The following CSMD1 variants were observed in gnomAD, a reference collection of about 807,000 sequenced individuals.
The protein encoded by CSMD1 is CUB and Sushi multiple domains 1.
In CSMD1, 213 loss-of-function variants were observed where a neutral mutation model predicts 417.5. That is an observed-to-expected ratio of 0.51 (90% confidence interval 0.46 to 0.57). The LOEUF (loss-of-function observed/expected upper bound fraction) is 0.57. Ranked by LOEUF, CSMD1 falls within the 20% of genes least tolerant of loss-of-function variation. The pLI, the probability that CSMD1 is intolerant of heterozygous loss-of-function variation, is 0.00. For missense variants in CSMD1, 6,923 were observed against 4,529.7 expected (o/e 1.53, Z -15.17); for synonymous variants, 2,862 against 1,736.8 (o/e 1.65, Z -16.11).
At chr8:4,652,173 C>T (rs1044067937) in intron 1 of CSMD1, among the ~76,000 whole-genome samples, 14 of 152,134 alleles carry the variant, frequency 9.2e-5, no homozygotes, top group African/African-American at 3.4e-4. Flanking sequence ...AATTATAAAG[C>T]ATTGAGGGAT....
At chr8:4,238,859 A>G (rs181555716) in intron 3 of CSMD1, among the ~76,000 whole-genome samples, 47 of 152,270 alleles carry the variant, frequency 3.1e-4, no homozygotes, top group Non-Finnish European at 5.4e-4. Context: ...TTAAAAATCG[A>G]TAGCAAATGC....
In CSMD1 at chr8:2,937,766, G is replaced by C. The variant is rs1801591944; in HGVS notation, c.*819C>G. On this transcript the variant is annotated 3_prime_UTR_variant, in exon 70 of 70. Coordinates refer to ENST00000635120, the MANE Select transcript of CSMD1 (RefSeq NM_033225.6). ...TACTGTATTTCCTTTTAAAATCTGT[G>C]CCATATCTAGGAATACTTTTCCCTA... The C allele has an allele frequency of 6.6e-6, 1 of 152,560 alleles. No homozygotes were observed. The highest frequency in any genetic ancestry group is 6.5e-5 in the Admixed American group (1 of 15,276). 9.5% of individuals were successfully genotyped at this position (152,560 alleles called of 1,614,324 possible).
chr8:4,828,799 G>C lies in CSMD1; in HGVS notation c.85+165533C>G, dbSNP rs77303075. Reference sequence around the variant, plus strand: ...TTTCTTTACCCTTAAAATCAGATGAGCCCAGAAGTACTGTTGTGAAGAACT... The same window carrying C: ...TTTCTTTACCCTTAAAATCAGATGACCCCAGAAGTACTGTTGTGAAGAACT... On this transcript the variant is annotated intron_variant, in intron 1 of 69. Coordinates refer to ENST00000635120, the MANE Select transcript of CSMD1 (RefSeq NM_033225.6). Among the ~76,000 whole-genome samples, 226 of 152,192 alleles carry C rather than the reference G, an allele frequency of 1.5e-3. 5 individuals carry two copies. The East Asian group carries it at 0.036, about 24-fold the overall frequency.
intron 61 of CSMD1, among the ~76,000 whole-genome samples, chr8:2,961,459 A>AT (rs970555144): frequency 1.3e-5 from 2 of 151,354 alleles, no homozygotes; most frequent in African/African-American, 4.9e-5. Flanking sequence ...GAATAAGTGC[A>AT]TTTTTTTTCC....
intron 3 of CSMD1, among the ~76,000 whole-genome samples, chr8:4,362,633 A>C (rs1044299461): frequency 3.3e-5 from 5 of 152,132 alleles, no homozygotes; most frequent in Non-Finnish European, 5.9e-5. Flanking sequence ...CCAGTTTGCT[A>C]CCCCCTCTAC....
At chr8:4,916,036 A>G (rs1347313976) in intron 1 of CSMD1, among the ~76,000 whole-genome samples, 1 of 152,150 alleles carries the variant, frequency 6.6e-6, no homozygotes, top group Non-Finnish European at 1.5e-5. Flanking sequence ...CATAGAATAC[A>G]CTAGATTTGC....
At chr8:3,521,342 T>C (rs1308165112) in intron 10 of CSMD1, among the ~76,000 whole-genome samples, 3 of 152,174 alleles carry the variant, frequency 2.0e-5, no homozygotes, top group Non-Finnish European at 2.9e-5. Context: ...CTCTGTTTCT[T>C]TGCTGTTGGC....
chr8:3,062,897 G>T (rs926014402), intron 49 of CSMD1, among the ~76,000 whole-genome samples: 1 of 152,084 alleles, frequency 6.6e-6, no homozygotes, highest in South Asian at 2.1e-4. Flanking sequence ...GTTCAAAAGA[G>T]ACAGGTACAA....
intron 1 of CSMD1, among the ~76,000 whole-genome samples, chr8:4,714,207 T>C (rs1584985041): frequency 6.6e-6 from 1 of 152,098 alleles, no homozygotes; most frequent in African/African-American, 2.4e-5. Context: ...ACGTCCACCG[T>C]GTTGACGCCT....
intron 1 of CSMD1, among the ~76,000 whole-genome samples, chr8:4,793,904 T>C (rs1797834681): frequency 6.6e-6 from 1 of 151,760 alleles, no homozygotes; most frequent in African/African-American, 2.4e-5. Flanking sequence ...GCATGTCTGA[T>C]GAATAAAAAT....
intron 3 of CSMD1, among the ~76,000 whole-genome samples, chr8:4,357,073 A>T (rs1025328109): frequency 1.3e-5 from 2 of 152,252 alleles, no homozygotes; most frequent in Non-Finnish European, 2.9e-5. Flanking sequence ...TGAAGGAAGA[A>T]TAATATGAAT....
At chr8:3,820,957 C>T (rs1563113716) in intron 5 of CSMD1, among the ~76,000 whole-genome samples, 1 of 152,002 alleles carries the variant, frequency 6.6e-6, no homozygotes, top group East Asian at 1.9e-4. Context: ...GCTTTTGCTG[C>T]CCAAGCTGGA....
At chr8:4,272,103 C>A (rs901631993) in intron 3 of CSMD1, among the ~76,000 whole-genome samples, 2 of 152,200 alleles carry the variant, frequency 1.3e-5, no homozygotes, top group Admixed American at 1.3e-4. Context: ...TACACCCACA[C>A]CTGTCAGGGG....
At chr8:3,393,080 A>C (rs1176710671) in intron 17 of CSMD1, among the ~76,000 whole-genome samples, 1 of 152,194 alleles carries the variant, frequency 6.6e-6, no homozygotes, top group South Asian at 2.1e-4. Context: ...CGACTGATAC[A>C]TAAATAAGAA....
chr8:3,333,206 G>C (rs1807023209), intron 23 of CSMD1, among the ~76,000 whole-genome samples: 1 of 152,056 alleles, frequency 6.6e-6, no homozygotes, highest in African/African-American at 2.4e-5. Flanking sequence ...CCAACACCTG[G>C]TCACGTCCTT....
chr8:4,967,729 G>A (rs1809973124), intron 1 of CSMD1, among the ~76,000 whole-genome samples: 2 of 152,094 alleles, frequency 1.3e-5, no homozygotes, highest in African/African-American at 2.4e-5. Flanking sequence ...CGTTCACATA[G>A]CATTAGTTCA....
intron 3 of CSMD1, among the ~76,000 whole-genome samples, chr8:4,324,077 T>C (rs2128886081): frequency 6.6e-6 from 1 of 152,260 alleles, no homozygotes; most frequent in South Asian, 2.1e-4. Flanking sequence ...CAAGCTTAGA[T>C]TTTACACCTT....
At chr8:3,617,714 C>T (rs1802211911) in intron 7 of CSMD1, among the ~76,000 whole-genome samples, 1 of 152,134 alleles carries the variant, frequency 6.6e-6, no homozygotes, top group Admixed American at 6.5e-5. Context: ...GTGTCAAGAA[C>T]CTGGACCTGC....
At chr8:3,985,762 T>C (rs914829501) in intron 5 of CSMD1, among the ~76,000 whole-genome samples, 1 of 151,674 alleles carries the variant, frequency 6.6e-6, no homozygotes, top group Non-Finnish European at 1.5e-5. Flanking sequence ...AGTGATTTTT[T>C]TTTTTTTTTT....
Sources: gnomAD v4.1 joint callset for allele counts (sites outside exome capture counted in the v4.1 genomes callset) on GRCh38, gnomAD v4.1.1 for gene constraint, MANE v1.5 for transcripts, NCBI Gene and HGNC (gene_info 2026-07-23, HGNC 2026-07-21) for gene names.